The following POU2F3 variants were observed in gnomAD, a reference collection of about 807,000 sequenced individuals.
POU2F3 encodes the protein POU domain, class 2, transcription factor 3.
POU2F3 carries 23 observed loss-of-function variants against 59.2 expected under a neutral mutation model. The ratio of observed to expected loss-of-function variants is 0.39; its 90% CI spans 0.28 to 0.55. The LOEUF is 0.55. Among genes scored for constraint, POU2F3 ranks in the 20% least tolerant of loss-of-function variants. POU2F3 has a pLI of 0.66. For missense variants in POU2F3, 473 were observed against 544.5 expected (o/e 0.87, Z 1.31); for synonymous variants, 190 against 214.6 (o/e 0.89, Z 1.00).
Position 120,240,317 on chromosome 11 carries a change from G to T in POU2F3, c.-27G>T. On this transcript the variant is annotated 5_prime_UTR_variant, in exon 1 of 13. Coordinates refer to ENST00000543440, the MANE Select transcript of POU2F3 (RefSeq NM_014352.4). Reference sequence around the variant, plus strand: ...GCAGAGGCGAGGGGCCTGGGGGGGCGCTGGCTTTGGCCCCGCCTGGGGCAG... The same window carrying T: ...GCAGAGGCGAGGGGCCTGGGGGGGCTCTGGCTTTGGCCCCGCCTGGGGCAG... 2 of 1,365,644 alleles carry T rather than the reference G, an allele frequency of 1.5e-6. No homozygotes were observed. The highest frequency in any genetic ancestry group is 1.5e-5 in the African/African-American group (1 of 67,774). 84.6% of individuals were successfully genotyped at this position (1,365,644 alleles called of 1,614,324 possible).
rs1006450762 is a variant in POU2F3 at position 120,240,333 on chromosome 11, C to T, written c.-11C>T. ...TGGGGGGGCGCTGGCTTTGGCCCCG[C>T]CTGGGGCAGGATGGTGAATCTGGAG... is the stretch of plus-strand genomic sequence containing the variant. On this transcript the variant is annotated 5_prime_UTR_variant, in exon 1 of 13. Transcript: ENST00000543440. The T allele has an allele frequency of 5.0e-6, 7 of 1,392,046 alleles. No individual in the cohort carries two copies. The highest frequency in any genetic ancestry group is 6.6e-6 in the Non-Finnish European group (7 of 1,061,842). The allele number at this position is 1,392,046 out of a possible 1,614,324, so 86.2% of individuals were successfully genotyped here.
intron 2 of POU2F3, among the ~76,000 whole-genome samples, chr11:120,253,177 G>C (rs80254203): frequency 0.064 from 9,733 of 152,158 alleles, 496 homozygotes; most frequent in East Asian, 0.22. Context: ...CTTACCATGC[G>C]TACTCAACAG....
rs139221088 is a variant in POU2F3, at chr11:120,299,724, A to C, written c.359A>C (p.Gln120Pro). The change falls in exon 5 of 13, where the codon CAA becomes CCA. Residue 120 changes from glutamine (Q) to proline (P), a missense_variant and splice_region_variant. Coordinates refer to ENST00000543440, the MANE Select transcript of POU2F3 (RefSeq NM_014352.4). ...FLLSQTQPGQ[Q>P]GLQPNLLPFP... ...CTATCTCAGACCCAGCCTGGGCAGC[A>C]AGGTAAGAACCCTGGGGGTTTCCAC... 6.2e-6 allele frequency: 10 copies of C among 1,611,346 alleles called. No individual in the cohort carries two copies. The highest frequency in any genetic ancestry group is 3.4e-6 in the Non-Finnish European group (4 of 1,179,492).
intron 3 of POU2F3, among the ~76,000 whole-genome samples, chr11:120,278,147 A>G (rs1344866206): frequency 6.6e-6 from 1 of 152,246 alleles, no homozygotes; most frequent in Non-Finnish European, 1.5e-5. Flanking sequence ...CATAAAAAAT[A>G]GAGTTGGGTT....
chr11:120,251,250 A>T lies in POU2F3; in HGVS notation c.97+4733A>T, dbSNP rs182489789. Among the ~76,000 whole-genome samples the T allele has an allele frequency of 1.4e-4, 22 of 152,330 alleles. No individual in the cohort carries two copies. In the East Asian group the frequency reaches 4.1e-3, roughly 28 times the overall value. Reference sequence around the variant, plus strand: ...TGGCCTCCCAAAGTTCTGAGATTACATGTGTGAGCCACCATGCCCGGCTGA... The same window carrying T: ...TGGCCTCCCAAAGTTCTGAGATTACTTGTGTGAGCCACCATGCCCGGCTGA... On this transcript the variant is annotated intron_variant, in intron 2 of 12. Transcript: ENST00000543440.
chr11:120,268,962 C>T (rs752056664), intron 2 of POU2F3, among the ~76,000 whole-genome samples: 4 of 152,162 alleles, frequency 2.6e-5, no homozygotes, highest in Admixed American at 6.5e-5. Flanking sequence ...CTCTGATTTG[C>T]TATGTGACCT....
At position 120,317,304 on chromosome 11, in the gene POU2F3, C is replaced by T; in HGVS notation, c.1211C>T (p.Thr404Ile). The T allele has an allele frequency of 1.2e-6, 2 of 1,614,154 alleles. No individual in the cohort carries two copies. Among genetic ancestry groups the T allele is most frequent in the Non-Finnish European group, 1.7e-6 (2 of 1,179,976 alleles). The change falls in exon 12 of 13, where the codon ACT becomes ATT. Residue 404 changes from threonine (T) to isoleucine (I), a missense_variant. Thr to Ile is a moderately conservative substitution (Grantham distance 89). Transcript: ENST00000543440. ...TCAGGACTCCACGCCAGCAGCCCCA[C>T]TGCATCTCAAAATAACTCCAAAGCA... is the stretch of plus-strand genomic sequence containing the variant. ...PGSGLHASSP[T>I]ASQNNSKAAV...
In POU2F3 at chr11:120,315,301, T is replaced by C. The variant is rs1178154997; in HGVS notation, c.1069-60T>C. ...TCTGGGGCCTACTGTCTTTGGAGAG[T>C]GATCTGAAGTTGGAGAAGGGAGCAG... On this transcript the variant is annotated intron_variant, in intron 10 of 12. Transcript: ENST00000543440. 2.7e-6 allele frequency: 4 copies of C among 1,461,594 alleles called. No homozygotes were observed. In the East Asian group the frequency reaches 6.8e-5, roughly 25 times the overall value. The allele number at this position is 1,461,594 out of a possible 1,614,324, so 90.5% of individuals were successfully genotyped here.
chr11:120,268,631 C>T (rs528423879), intron 2 of POU2F3, among the ~76,000 whole-genome samples: 1 of 152,176 alleles, frequency 6.6e-6, no homozygotes, highest in Non-Finnish European at 1.5e-5. Flanking sequence ...CATGAGCCAC[C>T]GTTTCCAGCC....
At chr11:120,272,978 ATG>A in intron 3 of POU2F3, among the ~76,000 whole-genome samples, 1 of 152,328 alleles carries the variant, frequency 6.6e-6, no homozygotes, top group South Asian at 2.1e-4. Context: ...AACAGTCTTC[ATG>A]TTACGGTGTC....
In POU2F3 at chr11:120,240,389, T is replaced by C. The variant is rs753408611; in HGVS notation, c.28+18T>C. 2 of 1,419,858 alleles carry C rather than the reference T, an allele frequency of 1.4e-6. No homozygotes were observed. Among genetic ancestry groups the C allele is most frequent in the Non-Finnish European group, 1.9e-6 (2 of 1,076,552 alleles). The allele number at this position is 1,419,858 out of a possible 1,614,324, so 88.0% of individuals were successfully genotyped here. A position where few individuals can be genotyped will look rare whatever the true frequency, so the allele number is the denominator to read the frequency against. The stretch of plus-strand genomic sequence containing the variant: ...GCACACAGGTGAGGGGCGGAGGGAA[T>C]GAGCTCTGACAGGTGTCACTGCGCG... On this transcript the variant is annotated intron_variant, in intron 1 of 12. Transcript: ENST00000543440.
At chr11:120,238,827 TAAAAAA>T (rs56948018), upstream of POU2F3, among the ~76,000 whole-genome samples, 1 of 48,362 alleles carries the variant, frequency 2.1e-5, no homozygotes, top group Non-Finnish European at 3.8e-5. Context: ...AGACTCTGTC[TAAAAAA>T]AAAAAAAAAA....
chr11:120,317,375 G>A lies in POU2F3; in HGVS notation c.1271+11G>A, dbSNP rs759867498. ...TTTTAACTCTTCAGGGTAAGGTGAA[G>A]GGGACGGTGCAGAGACATCCCAGCA... On this transcript the variant is annotated intron_variant, in intron 12 of 12. Coordinates refer to ENST00000543440, the MANE Select transcript of POU2F3 (RefSeq NM_014352.4). The A allele has an allele frequency of 9.9e-6, 16 of 1,614,006 alleles. No homozygotes were observed. In the Admixed American group the frequency reaches 2.7e-4, roughly 27 times the overall value.
intron 3 of POU2F3, 114 bp from the exon 4 acceptor site, chr11:120,298,151 C>A: frequency 7.5e-7 from 1 of 1,332,668 alleles, no homozygotes; most frequent in Non-Finnish European, 1.0e-6. Context: ...CCTGGGCTAG[C>A]TCTCTCCTCT....
At chr11:120,267,410 C>T (rs1048709570) in intron 2 of POU2F3, among the ~76,000 whole-genome samples, 5 of 152,162 alleles carry the variant, frequency 3.3e-5, no homozygotes, top group African/African-American at 4.8e-5. Context: ...CTGCACCCAG[C>T]TCCCCTAGCA....
intron 3 of POU2F3, among the ~76,000 whole-genome samples, chr11:120,278,782 G>A (rs2135226290): frequency 6.6e-6 from 1 of 152,298 alleles, no homozygotes; most frequent in South Asian, 2.1e-4. Context: ...AGGGCAAGGG[G>A]AAGGATAGCA....
intron 3 of POU2F3, among the ~76,000 whole-genome samples, chr11:120,294,824 T>C (rs1941144349): frequency 6.6e-6 from 1 of 152,202 alleles, no homozygotes; most frequent in South Asian, 2.1e-4. Flanking sequence ...GTGTCCTTTA[T>C]TATCTTTCAA....
intron 2 of POU2F3, 40 bp from the exon 3 acceptor site, chr11:120,269,170 C>T (rs1232820071): frequency 1.3e-6 from 2 of 1,511,120 alleles, no homozygotes; most frequent in Non-Finnish European, 1.8e-6. Context: ...TCTTCCAAAC[C>T]TGCTACCAAC....
In POU2F3 at chr11:120,319,912, C is replaced by T. The variant is rs1941878964; in HGVS notation, c.*1520C>T. ...TGAGATTCAAAGGAATCTCACTGTT[C>T]CTAAATAAATGTGTATAGTGATTAT... is the stretch of plus-strand genomic sequence containing the variant. On this transcript the variant is annotated 3_prime_UTR_variant, in exon 13 of 13. Coordinates refer to ENST00000543440, the MANE Select transcript of POU2F3 (RefSeq NM_014352.4). The T allele has an allele frequency of 6.6e-6, 1 of 151,336 alleles. No homozygotes were observed. The highest frequency in any genetic ancestry group is 1.5e-5 in the Non-Finnish European group (1 of 67,868). 9.4% of individuals were successfully genotyped at this position (151,336 alleles called of 1,614,324 possible).
Sources: allele counts gnomAD v4.1 joint callset (sites outside exome capture counted in the v4.1 genomes callset), GRCh38; gene constraint gnomAD v4.1.1; transcripts MANE v1.5; gene names NCBI Gene and HGNC (gene_info 2026-07-23, HGNC 2026-07-21).